ABCA9: variants seen among roughly 807,000 people sequenced by gnomAD.
ABCA9 encodes ATP-binding cassette sub-family A member 9.
Under a neutral mutation model 205.3 loss-of-function variants are expected in ABCA9, and 183 were observed. That is an observed-to-expected ratio of 0.89 (90% CI 0.79 to 1.01). The LOEUF (loss-of-function observed/expected upper bound fraction) is 1.01. Ranked by LOEUF, ABCA9 falls within the 50% of genes least tolerant of loss-of-function variation. The probability of loss-of-function intolerance (pLI) is 0.00; values close to 1 mark genes in which losing one functional copy is unlikely to be tolerated. For missense variants in ABCA9, 1,805 were observed against 1,912.4 expected (o/e 0.94, Z 1.05); for synonymous variants, 651 against 683.3 (o/e 0.95, Z 0.74).
intron 31 of ABCA9, among the ~76,000 whole-genome samples, chr17:68,987,294 C>T (rs2069268800): frequency 6.6e-6 from 1 of 152,152 alleles, no homozygotes; most frequent in Admixed American, 6.6e-5. Context: ...TTGTCTCCCC[C>T]CAGTACAAAG....
At chr17:69,066,354 G>A in the ABCA9 span, among the ~76,000 whole-genome samples, 1 of 151,670 alleles carries the variant, frequency 6.6e-6, no homozygotes, top group Non-Finnish European at 1.5e-5. Flanking sequence ...TTGAATGTGA[G>A]GTAGGAAAAC....
chr17:69,045,327 A>C lies in ABCA9; in HGVS notation c.314T>G (p.Ile105Ser). The change falls in exon 4 of 39, where the codon ATC becomes AGC. Residue 105 changes from isoleucine (I) to serine (S), a missense_variant. Coordinates refer to ENST00000340001, the MANE Select transcript of ABCA9 (RefSeq NM_080283.4). ...GCTTTTTTCATCAGGCCACCCCATG[A>C]TTGTTCTTCCTGCCATGTGAAGAAA... is the stretch of plus-strand genomic sequence containing the variant. ...ASAPFLKGRT[I>S]MGWPDEKSMD... 1 of 1,609,616 alleles carries C rather than the reference A, an allele frequency of 6.2e-7. No individual in the cohort carries two copies. Among genetic ancestry groups the C allele is most frequent in the Non-Finnish European group, 8.5e-7 (1 of 1,177,788 alleles).
intron 12 of ABCA9, among the ~76,000 whole-genome samples, chr17:69,028,320 C>T (rs1269114892): frequency 6.6e-6 from 1 of 152,058 alleles, no homozygotes; most frequent in South Asian, 2.1e-4. Context: ...GCACCTGCCA[C>T]CATGCCTGGC....
chr17:69,059,076 C>G (rs1011266259), intron 1 of ABCA9, among the ~76,000 whole-genome samples: 2 of 152,098 alleles, frequency 1.3e-5, no homozygotes, highest in Non-Finnish European at 2.9e-5. Context: ...GAAAGACCTG[C>G]CCCAATAATT....
chr17:69,035,169 G>A, intron 8 of ABCA9, 77 bp downstream of exon 8: 1 of 1,214,542 alleles, frequency 8.2e-7, no homozygotes, highest in East Asian at 2.7e-5. Flanking sequence ...AATGCTTAGA[G>A]CATGTTGTGT....
the ABCA9 span, among the ~76,000 whole-genome samples, chr17:69,071,500 G>T: frequency 5.3e-5 from 8 of 152,186 alleles, no homozygotes; most frequent in Admixed American, 5.2e-4. Context: ...CAGAAGAGGG[G>T]CCTGACTGTT....
intron 36 of ABCA9, among the ~76,000 whole-genome samples, chr17:68,982,866 A>C (rs2109227): frequency 0.18 from 27,690 of 152,082 alleles, 6,718 homozygotes; most frequent in African/African-American, 0.56. Context: ...ATTAGCCAGG[A>C]ATGGTGGTGT....
At chr17:69,026,499 T>C (rs751002177) in intron 15 of ABCA9, 32 bp from the exon 16 acceptor site, 2 of 1,537,136 alleles carry the variant, frequency 1.3e-6, no homozygotes, top group East Asian at 4.5e-5. Context: ...ATAAGTTACA[T>C]GAAGGACTTA....
chr17:69,024,398 T>C, intron 16 of ABCA9, 45 bp from the exon 17 acceptor site: 1 of 1,483,570 alleles, frequency 6.7e-7, no homozygotes, highest in South Asian at 1.4e-5. Context: ...CAACTGTGTC[T>C]ATAAAACAAT....
At chr17:69,073,884 T>C in the ABCA9 span, among the ~76,000 whole-genome samples, 2 of 152,072 alleles carry the variant, frequency 1.3e-5, no homozygotes, top group African/African-American at 4.8e-5. Context: ...TTGTAGTTTG[T>C]AGTGATAGGG....
intron 25 of ABCA9, among the ~76,000 whole-genome samples, chr17:69,004,206 GT>G (rs2070014644): frequency 6.6e-6 from 1 of 152,164 alleles, no homozygotes; most frequent in African/African-American, 2.4e-5. Flanking sequence ...GATTTTTAGA[GT>G]TTCCAGTTTT....
At chr17:68,980,977 CATTTTGCTAAGTGA>C (rs2069034178) in intron 37 of ABCA9, among the ~76,000 whole-genome samples, 1 of 149,720 alleles carries the variant, frequency 6.7e-6, no homozygotes, top group South Asian at 2.1e-4. Flanking sequence ...ATCTAGAGGA[CATTTTGCTAAGTGA>C]AATAAGCCAG....
rs934901976 is a variant in ABCA9 at position 69,020,605 on chromosome 17, A to G, written c.2402-19T>C. On this transcript the variant is annotated intron_variant, in intron 18 of 38. Transcript: ENST00000340001. ...CCAATATCTAAAACATAAGATCAAT[A>G]TTTTATAAAGTGCCATTTTAGTTAT... is the stretch of plus-strand genomic sequence containing the variant. 10 of 1,603,430 alleles carry G rather than the reference A, an allele frequency of 6.2e-6. No homozygotes were observed. In the Admixed American group the frequency reaches 1.2e-4, roughly 19 times the overall value.
rs767366255 is a variant in ABCA9, at chr17:69,043,522, A to G, written c.767T>C (p.Met256Thr). 53 of 1,606,304 alleles carry G rather than the reference A, an allele frequency of 3.3e-5. No homozygotes were observed. The Admixed American group carries it at 7.4e-4, about 23-fold the overall frequency. ...TQERQYITSL[M>T]TMMGLRESAF... ...TGACTCTCGGAGTCCCATCATTGTC[A>G]TCAATGACGTAATGTATTGTCTTTC... Residue 256 changes from methionine to threonine, a missense_variant, in exon 6 of 39, where the codon ATG (methionine) becomes ACG (threonine). Transcript: ENST00000340001.
At chr17:69,049,542 G>A in intron 2 of ABCA9, 52 bp from the exon 3 acceptor site, 1 of 1,389,536 alleles carries the variant, frequency 7.2e-7, no homozygotes, top group Non-Finnish European at 9.9e-7. Context: ...TTATACCACA[G>A]ATCAATCATC....
intron 25 of ABCA9, among the ~76,000 whole-genome samples, chr17:69,002,677 A>T (rs2069929708): frequency 6.7e-6 from 1 of 148,600 alleles, no homozygotes; most frequent in South Asian, 2.1e-4. Flanking sequence ...ATCCTTGTTG[A>T]CTTTCTGTCT....
rs1338895416 is a variant in ABCA9, at chr17:68,984,160, G to A, written c.4395C>T (p.Ala1465=). ...CGCCCCTCTCCGTGTTTCTAAAGGT[G>A]GCCCGAATCACCTGCCTAAAGTTAA... The part of the protein sequence containing the change: ...GQQQMWQVIR[A]TFRNTERGAL... The change falls in exon 35 of 39, where the codon GCC becomes GCT. Residue 1465 remains alanine, a synonymous_variant. Coordinates refer to ENST00000340001, the MANE Select transcript of ABCA9 (RefSeq NM_080283.4). 1.2e-6 allele frequency: 2 copies of A among 1,614,072 alleles called. No homozygotes were observed. Among genetic ancestry groups the A allele is most frequent in the African/African-American group, 2.7e-5 (2 of 75,034 alleles).
intron 3 of ABCA9, among the ~76,000 whole-genome samples, chr17:69,047,208 C>T (rs1331989939): frequency 3.3e-5 from 5 of 150,852 alleles, no homozygotes; most frequent in African/African-American, 1.2e-4. Context: ...CCGCCCACCT[C>T]AGCCTCCCAA....
At chr17:69,035,075 T>A (rs2071287278) in intron 8 of ABCA9, 171 bp downstream of exon 8, 1 of 480,358 alleles carries the variant, frequency 2.1e-6, no homozygotes, top group Non-Finnish European at 3.5e-6. Flanking sequence ...TAGTGACTTA[T>A]GGGGAAACTA....
Sources: allele counts gnomAD v4.1 joint callset (sites outside exome capture counted in the v4.1 genomes callset), GRCh38; gene constraint gnomAD v4.1.1; transcripts MANE v1.5; gene names NCBI Gene and HGNC (gene_info 2026-07-23, HGNC 2026-07-21).